SGCZ: variants seen among roughly 807,000 people sequenced by gnomAD.
The protein encoded by SGCZ is sarcoglycan zeta.
In SGCZ, 40 loss-of-function variants were observed where a neutral mutation model predicts 41.3. That is an observed-to-expected ratio of 0.97 (90% CI 0.75 to 1.26). The LOEUF is 1.26. Ranked by LOEUF, SGCZ falls within the 50% of genes most tolerant of loss-of-function variation. SGCZ has a pLI of 0.00. For missense variants in SGCZ, 552 were observed against 369.8 expected (o/e 1.49, Z -4.04); for synonymous variants, 206 against 137.5 (o/e 1.50, Z -3.49).
At position 14,281,444 on chromosome 8, in the gene SGCZ, G is replaced by A. The variant is rs923476628; in HGVS notation, c.336+42659C>T. 5.2e-4 allele frequency among the ~76,000 whole-genome samples: 69 copies of A among 132,348 alleles called. 1 individual carries two copies. The highest frequency in any genetic ancestry group is 1.7e-5 in the Non-Finnish European group (1 of 57,362). The allele number at this position is 132,348 out of a possible 152,430, so 86.8% of individuals were successfully genotyped here. On this transcript the variant is annotated intron_variant, in intron 3 of 7. Coordinates refer to ENST00000382080, the MANE Select transcript of SGCZ (RefSeq NM_139167.4). ...AGCAATATTTGTATCCACTAAGGTA[G>A]TGATTCTTAATTTTTTTATATCATA...
At chr8:14,197,500 C>G (rs1805303559) in intron 4 of SGCZ, among the ~76,000 whole-genome samples, 1 of 151,738 alleles carries the variant, frequency 6.6e-6, no homozygotes, top group Non-Finnish European at 1.5e-5. Flanking sequence ...GTATGTTCAG[C>G]CTTTGAAAAA....
At chr8:14,190,014 C>CTTTCTTTCTTTTT (rs757923069) in intron 4 of SGCZ, among the ~76,000 whole-genome samples, 1 of 100,202 alleles carries the variant, frequency 1.0e-5, no homozygotes, top group African/African-American at 3.5e-5. Flanking sequence ...TTCTTTCTTT[C>CTTTCTTTCTTTTT]TTTTTTTTTT....
chr8:14,342,987 C>G (rs185205684), intron 2 of SGCZ, among the ~76,000 whole-genome samples: 1,684 of 152,218 alleles, frequency 0.011, 28 homozygotes, highest in African/African-American at 0.037. Flanking sequence ...TGTGTCCCAG[C>G]CACTCCTGCC....
At chr8:14,914,505 C>T (rs867886149) in intron 1 of SGCZ, among the ~76,000 whole-genome samples, 2 of 150,960 alleles carry the variant, frequency 1.3e-5, no homozygotes, top group Middle Eastern at 6.8e-3. Flanking sequence ...GGCAAAAGGT[C>T]GTTTGGAAGC....
At chr8:14,859,744 T>C (rs1803657508) in intron 1 of SGCZ, among the ~76,000 whole-genome samples, 1 of 152,162 alleles carries the variant, frequency 6.6e-6, no homozygotes, top group South Asian at 2.1e-4. Flanking sequence ...CATGAAATAA[T>C]ATGTAAGCCA....
intron 2 of SGCZ, among the ~76,000 whole-genome samples, chr8:14,478,318 A>G (rs1801419629): frequency 3.3e-5 from 5 of 152,222 alleles, no homozygotes; most frequent in Admixed American, 3.3e-4. Context: ...ATAAACTGTA[A>G]CACACTCAGA....
rs373384148 is a variant in SGCZ, at chr8:14,617,115, GAGAA to G, written c.40-62193_40-62190del. ...AATTGTTATTACTACTAAATTTTGA[GAGAA>G]AGAAAGAATCAGTTTAAGCTTCCCT... On this transcript the variant is annotated intron_variant, in intron 1 of 7. Transcript: ENST00000382080. 6.6e-4 allele frequency among the ~76,000 whole-genome samples: 100 copies of G among 152,204 alleles called. 2 individuals are homozygous for G. In the East Asian group the frequency reaches 0.017, roughly 26 times the overall value.
chr8:15,198,213 T>C (rs549812852), intron 1 of SGCZ, among the ~76,000 whole-genome samples: 68 of 151,900 alleles, frequency 4.5e-4, no homozygotes, highest in Admixed American at 1.3e-3. Flanking sequence ...TAAGCAAGTG[T>C]AGCTAAAAAT....
At chr8:14,944,706 G>A (rs536722186) in intron 1 of SGCZ, among the ~76,000 whole-genome samples, 1 of 152,224 alleles carries the variant, frequency 6.6e-6, no homozygotes, top group African/African-American at 2.4e-5. Context: ...GTTACATCCT[G>A]ATAAACCCAT....
At chr8:15,048,831 A>T (rs1354095426) in intron 1 of SGCZ, among the ~76,000 whole-genome samples, 1 of 151,994 alleles carries the variant, frequency 6.6e-6, no homozygotes, top group East Asian at 1.9e-4. Flanking sequence ...AAGAAAAGAG[A>T]CTCTTCAGAA....
intron 2 of SGCZ, among the ~76,000 whole-genome samples, chr8:14,492,408 A>C (rs1801866554): frequency 6.6e-6 from 1 of 152,186 alleles, no homozygotes; most frequent in South Asian, 2.1e-4. Flanking sequence ...TATAACACTT[A>C]AACCTGGAAG....
At chr8:14,474,570 G>T (rs1285392381) in intron 2 of SGCZ, among the ~76,000 whole-genome samples, 1 of 151,818 alleles carries the variant, frequency 6.6e-6, no homozygotes, top group Non-Finnish European at 1.5e-5. Context: ...TTAATTTCAA[G>T]AATAAAAAAA....
intron 1 of SGCZ, among the ~76,000 whole-genome samples, chr8:14,847,309 T>C (rs953297697): frequency 2.6e-5 from 4 of 152,106 alleles, no homozygotes; most frequent in Admixed American, 2.0e-4. Context: ...GATAAAGGCA[T>C]TATCTAAAAT....
At chr8:14,106,704 C>G (rs1802215172) in intron 6 of SGCZ, among the ~76,000 whole-genome samples, 1 of 152,116 alleles carries the variant, frequency 6.6e-6, no homozygotes, top group Non-Finnish European at 1.5e-5. Flanking sequence ...GGTTTTGTAA[C>G]TTAATGTTTT....
chr8:14,536,572 T>C (rs34054396), intron 2 of SGCZ, among the ~76,000 whole-genome samples: 33,630 of 151,770 alleles, frequency 0.22, 4,691 homozygotes, highest in Non-Finnish European at 0.32. Context: ...TAGAGGAATT[T>C]CTATAATTTA....
In SGCZ at chr8:14,085,480, T is replaced by A. The variant is rs1372391445; in HGVS notation, c.*4963A>T. Among the ~76,000 whole-genome samples the A allele has an allele frequency of 6.6e-6, 1 of 151,732 alleles. No individual in the cohort carries two copies. Among genetic ancestry groups the A allele is most frequent in the Non-Finnish European group, 1.5e-5 (1 of 67,772 alleles). ...TACTAAGACTGAAAAAAACAAAAAA[T>A]AACTACAGTTCATTATATCTCATTT... is the stretch of plus-strand genomic sequence containing the variant. On this transcript the variant is annotated 3_prime_UTR_variant, in exon 8 of 8. Transcript: ENST00000382080.
rs1022554808 is a variant in SGCZ, at chr8:14,306,873, G to A, written c.336+17230C>T. Among the ~76,000 whole-genome samples, 8 of 152,278 alleles carry A rather than the reference G, an allele frequency of 5.3e-5. 1 individual carries two copies. Among genetic ancestry groups the A allele is most frequent in the Admixed American group, 5.2e-4 (8 of 15,286 alleles). On this transcript the variant is annotated intron_variant, in intron 3 of 7. Transcript: ENST00000382080. ...ACATGTATTAATACATTACTTCTTT[G>A]TGCTCCACAAGTACTAGAGGATAAA...
intron 3 of SGCZ, among the ~76,000 whole-genome samples, chr8:14,311,412 G>A (rs1159486141): frequency 6.6e-6 from 1 of 152,072 alleles, no homozygotes; most frequent in Non-Finnish European, 1.5e-5. Context: ...TTTGGTGCAT[G>A]CTACTGACAG....
At chr8:14,991,698 TCCAACCTACTCCC>T (rs1802019940) in intron 1 of SGCZ, among the ~76,000 whole-genome samples, 1 of 151,690 alleles carries the variant, frequency 6.6e-6, no homozygotes, top group Admixed American at 6.6e-5. Flanking sequence ...ATCCTCCTCA[TCCAACCTACTCCC>T]CAAATTAGCG....
Sources: allele counts gnomAD v4.1 joint callset (sites outside exome capture counted in the v4.1 genomes callset), GRCh38; gene constraint gnomAD v4.1.1; transcripts MANE v1.5; gene names NCBI Gene and HGNC (gene_info 2026-07-23, HGNC 2026-07-21).